The following RIPOR3 variants were observed in gnomAD, a reference collection of about 807,000 sequenced individuals.
RIPOR3 encodes RIPOR family member 3.
A neutral mutation model predicts 114.3 loss-of-function variants in RIPOR3; 95 were observed. The ratio of observed to expected loss-of-function variants is 0.83; its 90% confidence interval spans 0.70 to 0.99. The LOEUF (loss-of-function observed/expected upper bound fraction) is 0.99, where lower values mean the gene tolerates loss of function less well. RIPOR3 is among the 50% of genes least tolerant of loss of function. The pLI is 0.00. For synonymous variants in RIPOR3, 575 were observed against 543.8 expected, an observed-to-expected ratio of 1.06 and a Z score of -0.80; for missense variants, 1,252 against 1,266.9, an observed-to-expected ratio of 0.99 and a Z score of 0.18.
At chr20:50,646,894 G>A (rs914516719) in intron 1 of RIPOR3, among the ~76,000 whole-genome samples, 1 of 152,206 alleles carries the variant, frequency 6.6e-6, no homozygotes, top group Non-Finnish European at 1.5e-5. Flanking sequence ...CGTTGGGAAT[G>A]CATCTCCAAT....
chr20:50,594,486 C>G (rs903557472), intron 17 of RIPOR3, 67 bp downstream of exon 17: 3 of 1,551,846 alleles, frequency 1.9e-6, no homozygotes, highest in South Asian at 1.2e-5. Flanking sequence ...TGTGGCCACC[C>G]TGAAGGCCCT....
intron 4 of RIPOR3, chr20:50,614,579 TC>T (rs1193042578): frequency 1.2e-5 from 2 of 170,366 alleles, no homozygotes; most frequent in African/African-American, 4.8e-5. Flanking sequence ...AGGAAGATCC[TC>T]CTGCTGAAAG....
At chr20:50,596,284 G>C (rs767658021) in intron 14 of RIPOR3, 21 bp from the exon 15 acceptor site, 6 of 1,613,964 alleles carry the variant, frequency 3.7e-6, no homozygotes, top group Non-Finnish European at 5.1e-6. Flanking sequence ...TTGAGAACTG[G>C]GTGACCATTC....
chr20:50,593,312 C>T, intron 17 of RIPOR3, 116 bp from the exon 18 acceptor site: 1 of 1,175,530 alleles, frequency 8.5e-7, no homozygotes, highest in Non-Finnish European at 1.2e-6. Context: ...GTGGCTCGCA[C>T]CTGTAACCCC....
chr20:50,596,228 T>C lies in RIPOR3; in HGVS notation c.1826A>G (p.Lys609Arg). Residue 609 changes from lysine (K) to arginine (R), a missense_variant, in exon 15 of 22, where the codon AAA becomes AGA. Transcript: ENST00000327979. ...DRPLPPPSSLKASSRELTAGA... is the reference protein window; with the variant it reads ...DRPLPPPSSLRASSRELTAGA... ...GGCTGTGAGTTCCCTGGATGACGCT[T>C]TCAGTGATGACGGTGGGGGCAGGGG... 6.2e-7 allele frequency: 1 copy of C among 1,614,176 alleles called. No individual in the cohort carries two copies. The highest frequency in any genetic ancestry group is 8.5e-7 in the Non-Finnish European group (1 of 1,180,036).
At position 50,609,283 on chromosome 20, in the gene RIPOR3, G is replaced by A. The variant is rs2083855850; in HGVS notation, c.640+10C>T. The A allele has an allele frequency of 1.2e-6, 2 of 1,613,544 alleles. No individual in the cohort carries two copies. Among genetic ancestry groups the A allele is most frequent in the African/African-American group, 2.7e-5 (2 of 74,888 alleles). ...AAAGGCCTCCGCCCACCCCCTCTCA[G>A]CCCTGTTACCTTTCATCCTGATGTG... On this transcript the variant is annotated intron_variant, in intron 8 of 21. Transcript: ENST00000327979.
chr20:50,621,371 C>G (rs1017992794), intron 2 of RIPOR3, among the ~76,000 whole-genome samples: 3 of 152,200 alleles, frequency 2.0e-5, no homozygotes, highest in African/African-American at 7.2e-5. Flanking sequence ...GGCACCTCCC[C>G]AGCTCTGCTT....
chr20:50,690,653 G>C (rs1013692069), intron 1 of RIPOR3, among the ~76,000 whole-genome samples: 2 of 152,130 alleles, frequency 1.3e-5, no homozygotes, highest in African/African-American at 4.8e-5. Context: ...GAAAAACCTA[G>C]GTCTTTTTTC....
chr20:50,589,097 A>G (rs1601430752), intron 20 of RIPOR3, among the ~76,000 whole-genome samples: 1 of 49,348 alleles, frequency 2.0e-5, no homozygotes, highest in Non-Finnish European at 5.0e-5. Flanking sequence ...AAAAAAAAAA[A>G]AAAAAAAAAA....
Position 50,632,545 on chromosome 20 carries a change from G to A in RIPOR3, c.4-1689C>T, listed in dbSNP as rs2084853213. On this transcript the variant is annotated intron_variant, in intron 1 of 21. Transcript: ENST00000327979. ...GGCAAGCATTTGCTGACCACTCGCT[G>A]TGTGGCAAGCCTGGTGCCCCATGAG... Among the ~76,000 whole-genome samples the A allele has an allele frequency of 2.0e-5, 3 of 152,346 alleles. No individual in the cohort carries two copies. The South Asian group carries it at 6.2e-4, about 32-fold the overall frequency.
intron 1 of RIPOR3, among the ~76,000 whole-genome samples, chr20:50,684,453 G>C (rs536990169): frequency 6.6e-6 from 1 of 152,366 alleles, no homozygotes; most frequent in South Asian, 2.1e-4. Context: ...AGGTTAGAGA[G>C]GCCTGGGCCC....
intron 18 of RIPOR3, among the ~76,000 whole-genome samples, 176 bp from the exon 19 acceptor site, chr20:50,592,722 AG>A (rs2083153686): frequency 6.6e-6 from 1 of 152,216 alleles, no homozygotes; most frequent in African/African-American, 2.4e-5. Flanking sequence ...ATCTCCAGGA[AG>A]GCCTTTTAAC....
chr20:50,650,232 C>T lies in RIPOR3; in HGVS notation c.4-19376G>A, dbSNP rs563882690. 2.0e-5 allele frequency among the ~76,000 whole-genome samples: 3 copies of T among 152,222 alleles called. No homozygotes were observed. The East Asian group carries it at 5.8e-4, about 29-fold the overall frequency. On this transcript the variant is annotated intron_variant, in intron 1 of 21. Transcript: ENST00000327979. Reference sequence around the variant, plus strand: ...ATCCCATTAATCCCATTCACCAGGCCTCCACCCTCGAGATCTATTCACCTC... The same window carrying T: ...ATCCCATTAATCCCATTCACCAGGCTTCCACCCTCGAGATCTATTCACCTC...
intron 13 of RIPOR3, among the ~76,000 whole-genome samples, chr20:50,601,683 G>A (rs370814124): frequency 2.6e-5 from 4 of 152,136 alleles, no homozygotes; most frequent in African/African-American, 2.4e-5. Context: ...GGTTCAGTGC[G>A]GGGTGCGTGG....
intron 1 of RIPOR3, among the ~76,000 whole-genome samples, chr20:50,675,824 C>A (rs572185529): frequency 4.0e-4 from 61 of 152,332 alleles, no homozygotes; most frequent in Non-Finnish European, 5.4e-4. Flanking sequence ...AGCTGTCCAG[C>A]AAATGTCTGC....
At chr20:50,671,829 T>G (rs1410561559) in intron 1 of RIPOR3, among the ~76,000 whole-genome samples, 2 of 151,160 alleles carry the variant, frequency 1.3e-5, no homozygotes, top group African/African-American at 4.9e-5. Flanking sequence ...GATGGATGGA[T>G]GAGTGGGTAG....
intron 13 of RIPOR3, among the ~76,000 whole-genome samples, chr20:50,598,763 G>A (rs2083390694): frequency 6.6e-6 from 1 of 152,016 alleles, no homozygotes; most frequent in Non-Finnish European, 1.5e-5. Context: ...AAATTAGCCG[G>A]GTGTGGTGGC....
chr20:50,673,299 C>T (rs1161492294), intron 1 of RIPOR3, among the ~76,000 whole-genome samples: 3 of 152,152 alleles, frequency 2.0e-5, no homozygotes, highest in Non-Finnish European at 4.4e-5. Context: ...ATGGTCCCTA[C>T]GTTAGGGAGG....
chr20:50,592,830 C>T (rs962399646), intron 18 of RIPOR3, among the ~76,000 whole-genome samples: 1 of 152,224 alleles, frequency 6.6e-6, no homozygotes, highest in Non-Finnish European at 1.5e-5. Flanking sequence ...GCTCTGACCT[C>T]TGTTCCGTGC....
Sources: allele counts gnomAD v4.1 joint callset (sites outside exome capture counted in the v4.1 genomes callset), GRCh38; gene constraint gnomAD v4.1.1; transcripts MANE v1.5; gene names NCBI Gene and HGNC (gene_info 2026-07-23, HGNC 2026-07-21).